Variants in BTRC observed in about 807,000 individuals in gnomAD.
The protein encoded by BTRC is F-box/WD repeat-containing protein 1A.
BTRC carries 42 observed loss-of-function variants against 85.5 expected under a neutral mutation model. The ratio of observed to expected loss-of-function variants is 0.49; its 90% CI spans 0.38 to 0.64. The LOEUF is 0.64. Ranked by LOEUF, BTRC falls within the 30% of genes least tolerant of loss-of-function variation. The pLI, the probability that BTRC is intolerant of heterozygous loss-of-function variation, is 0.00. For synonymous variants in BTRC, 255 were observed against 263.3 expected (o/e 0.97, Z 0.30); for missense variants, 594 against 743.5 (o/e 0.80, Z 2.34).
intron 4 of BTRC, among the ~76,000 whole-genome samples, chr10:101,480,919 G>A (rs1945816334): frequency 6.6e-6 from 1 of 151,942 alleles, no homozygotes. Context: ...ATTTTGTTTT[G>A]TTTTATTTTA....
intron 4 of BTRC, among the ~76,000 whole-genome samples, chr10:101,484,294 G>C (rs983686259): frequency 2.0e-5 from 3 of 152,206 alleles, no homozygotes; most frequent in Non-Finnish European, 4.4e-5. Context: ...CAGGAAACAA[G>C]CTGTTTAAAT....
chr10:101,435,371 A>G (rs564559069), intron 2 of BTRC, among the ~76,000 whole-genome samples: 2 of 152,186 alleles, frequency 1.3e-5, no homozygotes, highest in Admixed American at 6.5e-5. Context: ...CCCATCCCCC[A>G]TATGCAATTA....
intron 4 of BTRC, among the ~76,000 whole-genome samples, chr10:101,514,597 C>T (rs192931374): frequency 3.4e-4 from 52 of 152,034 alleles, no homozygotes; most frequent in Middle Eastern, 6.8e-3. Context: ...GGATTATAGG[C>T]GTGTGCCATG....
intron 2 of BTRC, among the ~76,000 whole-genome samples, chr10:101,432,898 C>G (rs1454030751): frequency 6.6e-6 from 1 of 152,140 alleles, no homozygotes; most frequent in African/African-American, 2.4e-5. Flanking sequence ...TGACCTGAGC[C>G]TTTGGTGTCC....
chr10:101,500,624 T>C (rs1456366993), intron 4 of BTRC, among the ~76,000 whole-genome samples: 3 of 152,144 alleles, frequency 2.0e-5, no homozygotes, highest in African/African-American at 4.8e-5. Context: ...ATGAGGCATA[T>C]TGAAACAGAA....
intron 4 of BTRC, among the ~76,000 whole-genome samples, chr10:101,496,169 GATTTTCATAACTACAAAAAATT>G (rs1946255337): frequency 6.6e-6 from 1 of 151,942 alleles, no homozygotes; most frequent in Non-Finnish European, 1.5e-5. Context: ...GTTTCTTTCA[GATTTTCATAACTACAAAAAATT>G]ATTTTACATA....
chr10:101,393,495 A>G (rs1460062527), intron 1 of BTRC, among the ~76,000 whole-genome samples: 2 of 152,174 alleles, frequency 1.3e-5, no homozygotes. Context: ...GTTCTGGATA[A>G]GTCATAGCAG....
intron 1 of BTRC, among the ~76,000 whole-genome samples, chr10:101,380,516 C>T (rs746570705): frequency 6.6e-6 from 1 of 152,082 alleles, no homozygotes; most frequent in African/African-American, 2.4e-5. Context: ...ACTTCCCAGA[C>T]GGTGGGGCGG....
intron 4 of BTRC, among the ~76,000 whole-genome samples, chr10:101,507,399 C>T (rs1172759265): frequency 6.6e-6 from 1 of 152,196 alleles, no homozygotes; most frequent in Non-Finnish European, 1.5e-5. Context: ...CAGCAGCCAT[C>T]GATCAAGTTC....
At chr10:101,456,019 A>ACACACACACACACAC (rs1564784013) in intron 2 of BTRC, among the ~76,000 whole-genome samples, 4 of 6,774 alleles carry the variant, frequency 5.9e-4, no homozygotes, top group African/African-American at 2.3e-3. Context: ...CACACACACA[A>ACACACACACACACAC]AATTAGCTGG....
At chr10:101,383,875 C>CTATT (rs756684400) in intron 1 of BTRC, among the ~76,000 whole-genome samples, 3 of 151,908 alleles carry the variant, frequency 2.0e-5, no homozygotes, top group Non-Finnish European at 2.9e-5. Flanking sequence ...GGTATTTTAT[C>CTATT]TATTTATTTA....
chr10:101,506,138 T>C (rs888188214), intron 4 of BTRC, among the ~76,000 whole-genome samples: 3 of 152,154 alleles, frequency 2.0e-5, no homozygotes, highest in African/African-American at 7.2e-5. Flanking sequence ...GATCTCGAAC[T>C]CCCAACCTCA....
chr10:101,532,787 T>C (rs145374123), intron 8 of BTRC, among the ~76,000 whole-genome samples, 165 bp from the exon 9 acceptor site: 2,209 of 75,088 alleles, frequency 0.029, 60 homozygotes, highest in African/African-American at 0.15. Context: ...TGTGTGTGTG[T>C]GTGCGCGTGT....
chr10:101,467,413 G>A (rs1006348917), intron 3 of BTRC, among the ~76,000 whole-genome samples: 3 of 151,604 alleles, frequency 2.0e-5, no homozygotes, highest in Non-Finnish European at 4.4e-5. Context: ...ACAGCCAAGG[G>A]AGCTTTGTTC....
intron 1 of BTRC, among the ~76,000 whole-genome samples, chr10:101,389,119 GTTT>G (rs1188561028): frequency 2.4e-5 from 1 of 41,548 alleles, no homozygotes; most frequent in African/African-American, 1.3e-4. Context: ...TTTTGTGTGT[GTTT>G]TTTTTTTTTT....
At chr10:101,452,590 G>T (rs1944979173) in intron 2 of BTRC, among the ~76,000 whole-genome samples, 1 of 152,226 alleles carries the variant, frequency 6.6e-6, no homozygotes. Context: ...GAGAAAGCCT[G>T]CTTGGCAGTT....
intron 1 of BTRC, among the ~76,000 whole-genome samples, chr10:101,356,935 C>CT (rs1344724081): frequency 1.3e-5 from 2 of 151,920 alleles, no homozygotes; most frequent in African/African-American, 4.8e-5. Flanking sequence ...TCGAGACCAT[C>CT]CTGGCTAACA....
chr10:101,362,253 G>T (rs1454778687), intron 1 of BTRC, among the ~76,000 whole-genome samples: 1 of 152,054 alleles, frequency 6.6e-6, no homozygotes, highest in East Asian at 1.9e-4. Flanking sequence ...CACCGTGCCC[G>T]GCCTTGAGTT....
chr10:101,363,944 C>G (rs969330435), intron 1 of BTRC, among the ~76,000 whole-genome samples: 2 of 152,112 alleles, frequency 1.3e-5, no homozygotes, highest in African/African-American at 2.4e-5. Flanking sequence ...ATACCAGCAT[C>G]TTACAGTGAT....
Sources: allele counts gnomAD v4.1 joint callset (sites outside exome capture counted in the v4.1 genomes callset), GRCh38; gene constraint gnomAD v4.1.1; transcripts MANE v1.5; gene names NCBI Gene and HGNC (gene_info 2026-07-23, HGNC 2026-07-21).